Variants in FYCO1 observed in about 807,000 individuals in gnomAD.
The protein encoded by FYCO1 is FYVE and coiled-coil domain autophagy adaptor 1, also known as FYVE and coiled-coil domain-containing protein 1.
Under a neutral mutation model 165.1 loss-of-function variants are expected in FYCO1, and 122 were observed. That is an observed-to-expected ratio of 0.74 (90% CI 0.64 to 0.86). The LOEUF is 0.86. Ranked by LOEUF, FYCO1 falls within the 40% of genes least tolerant of loss-of-function variation. The probability of loss-of-function intolerance (pLI) is 0.00; values close to 1 mark genes in which losing one functional copy is unlikely to be tolerated. For synonymous variants in FYCO1, 648 were observed against 742.5 expected (o/e 0.87, Z 2.07); for missense variants, 1,702 against 1,810.3 (o/e 0.94, Z 1.09).
intron 14 of FYCO1, among the ~76,000 whole-genome samples, chr3:45,940,016 G>A (rs1429492244): frequency 6.6e-6 from 1 of 152,224 alleles, no homozygotes; most frequent in Non-Finnish European, 1.5e-5. Context: ...GGTTTGGAAG[G>A]TTGGGCTGAA....
At chr3:45,978,917 C>T (rs1476622349) in intron 4 of FYCO1, among the ~76,000 whole-genome samples, 5 of 146,198 alleles carry the variant, frequency 3.4e-5, no homozygotes, top group Admixed American at 7.0e-5. Flanking sequence ...AGTGCAGTGG[C>T]GCGATCTCGG....
At chr3:45,965,012 G>C in intron 9 of FYCO1, 21 bp downstream of exon 9, 5 of 1,594,784 alleles carry the variant, frequency 3.1e-6, no homozygotes, top group Non-Finnish European at 4.3e-6. Context: ...TCCCTGACAG[G>C]TCTACACTAC....
At chr3:45,950,460 A>G (rs1180926089) in intron 14 of FYCO1, among the ~76,000 whole-genome samples, 3 of 151,996 alleles carry the variant, frequency 2.0e-5, no homozygotes, top group African/African-American at 7.3e-5. Flanking sequence ...GACTGAGGAG[A>G]TGGTGCCATA....
chr3:45,964,904 T>C lies in FYCO1; in HGVS notation c.3150+129A>G, dbSNP rs1337191238. 1 of 776,220 alleles carries C rather than the reference T, an allele frequency of 1.3e-6. No individual in the cohort carries two copies. Among genetic ancestry groups the C allele is most frequent in the Non-Finnish European group, 2.3e-6 (1 of 443,160 alleles). The allele number at this position is 776,220 out of a possible 1,614,324, so 48.1% of individuals were successfully genotyped here. The stretch of plus-strand genomic sequence containing the variant: ...GGGGGTCAGGGTACAAACTAGGGTG[T>C]CTACAAAGGTGAACTGAGGACGGCT... On this transcript the variant is annotated intron_variant, in intron 9 of 17. Transcript: ENST00000296137. The surrounding 1 kb of genome is among the most constrained non-coding windows in gnomAD (Gnocchi z 4.1).
At position 45,981,613 on chromosome 3, in the gene FYCO1, G is replaced by C; in HGVS notation, c.119C>G (p.Thr40Ser). 1 of 1,613,934 alleles carries C rather than the reference G, an allele frequency of 6.2e-7. No individual in the cohort carries two copies. Among genetic ancestry groups the C allele is most frequent in the African/African-American group, 1.3e-5 (1 of 75,048 alleles). Residue 40 changes from threonine (T) to serine (S), a missense_variant, in exon 3 of 18, where the codon ACC becomes AGC. By Grantham distance (58) the Thr-to-Ser change is moderately conservative (BLOSUM62 1). Transcript: ENST00000296137. Reference sequence around the variant, plus strand: ...TTTATAAGAAAATTTATGCAAGCTGGTGCTGTCATCCGTGATGGGTTCCCC... The same window carrying C: ...TTTATAAGAAAATTTATGCAAGCTGCTGCTGTCATCCGTGATGGGTTCCCC... ...EAGEPITDDS[T>S]SLHKFSYKLE...
chr3:45,925,425 T>A (rs562021152), intron 16 of FYCO1, among the ~76,000 whole-genome samples: 3 of 152,354 alleles, frequency 2.0e-5, no homozygotes, highest in East Asian at 3.9e-4. Context: ...ACCATTTTTA[T>A]TCTTTACAAA....
intron 4 of FYCO1, 94 bp from the exon 5 acceptor site, chr3:45,975,439 G>A: frequency 1.1e-6 from 1 of 935,950 alleles, no homozygotes; most frequent in Non-Finnish European, 1.7e-6. Flanking sequence ...CACAGATACA[G>A]GGCAAAAAAT....
chr3:45,969,952 T>C (rs890443215), intron 6 of FYCO1, among the ~76,000 whole-genome samples, 187 bp from the exon 7 acceptor site: 1 of 152,212 alleles, frequency 6.6e-6, no homozygotes, highest in African/African-American at 2.4e-5. Context: ...ATAAATTCCA[T>C]GGCTAGAGTT....
intron 13 of FYCO1, among the ~76,000 whole-genome samples, chr3:45,957,384 A>G (rs921878901): frequency 1.3e-5 from 2 of 152,270 alleles, no homozygotes; most frequent in Admixed American, 6.5e-5. Context: ...TATGCATAAC[A>G]GAAAAAACCT....
chr3:45,958,868 C>T (rs896154591), intron 12 of FYCO1, among the ~76,000 whole-genome samples: 1 of 152,214 alleles, frequency 6.6e-6, no homozygotes, highest in Non-Finnish European at 1.5e-5. Context: ...AGCCCACCTT[C>T]CCTGGCACCA....
At position 45,966,561 on chromosome 3, in the gene FYCO1, C is replaced by G; in HGVS notation, c.2773G>C (p.Ala925Pro). ...LTVEKERVEE[A>P]LACAVQELQD... The stretch of plus-strand genomic sequence containing the variant: ...AGCTCCTGGACAGCACAGGCCAGTG[C>G]CTCCTCCACTCGCTCCTTTTCCACG... Residue 925 changes from alanine (A) to proline (P), a missense_variant, in exon 8 of 18, where the codon GCA becomes CCA. Ala to Pro is a conservative substitution (Grantham distance 27). Transcript: ENST00000296137. 2 of 1,614,198 alleles carry G rather than the reference C, an allele frequency of 1.2e-6. No individual in the cohort carries two copies. Among genetic ancestry groups the G allele is most frequent in the Non-Finnish European group, 1.7e-6 (2 of 1,180,032 alleles).
At chr3:45,969,387 A>T (rs1017981520) in intron 7 of FYCO1, among the ~76,000 whole-genome samples, 2 of 152,228 alleles carry the variant, frequency 1.3e-5, no homozygotes, top group Admixed American at 6.5e-5. Flanking sequence ...CCTTGGTCAC[A>T]GCTGGTAGGT....
At chr3:45,959,314 G>A in intron 12 of FYCO1, 79 bp downstream of exon 12, 1 of 1,489,402 alleles carries the variant, frequency 6.7e-7, no homozygotes. Context: ...ACCTATCACA[G>A]AGTCCTCTTT....
At chr3:45,943,074 TGCTGGA>T (rs746414363) in intron 14 of FYCO1, among the ~76,000 whole-genome samples, 4 of 152,198 alleles carry the variant, frequency 2.6e-5, no homozygotes, top group African/African-American at 4.8e-5. Context: ...CTATCACATA[TGCTGGA>T]GCTGCATATG....
intron 8 of FYCO1, 120 bp downstream of exon 8, chr3:45,966,157 G>T: frequency 9.8e-7 from 1 of 1,015,478 alleles, no homozygotes. Context: ...GTGTTTGCCT[G>T]CACCCACAGT....
At chr3:45,928,010 G>A (rs751280418) in intron 16 of FYCO1, among the ~76,000 whole-genome samples, 3 of 152,154 alleles carry the variant, frequency 2.0e-5, no homozygotes, top group African/African-American at 7.2e-5. Context: ...ATTCATTCCA[G>A]CTGTTTTTCA....
chr3:45,942,677 A>T (rs1432160625), intron 14 of FYCO1, among the ~76,000 whole-genome samples: 1 of 152,208 alleles, frequency 6.6e-6, no homozygotes, highest in East Asian at 1.9e-4. Context: ...GTTATTTCCC[A>T]GAAGGGTCAG....
chr3:45,918,337 T>C lies in FYCO1; in HGVS notation c.*3428A>G, dbSNP rs1370580772. ...AGGAAAGAGAGAATTATTAATTCAG[T>C]CTCTCCTGTTTCCTTGGAAGAAACA... On this transcript the variant is annotated 3_prime_UTR_variant, in exon 18 of 18. Coordinates refer to ENST00000296137, the MANE Select transcript of FYCO1 (RefSeq NM_024513.4). The C allele has an allele frequency of 1.3e-5, 2 of 152,202 alleles. No homozygotes were observed. Among genetic ancestry groups the C allele is most frequent in the Non-Finnish European group, 2.9e-5 (2 of 68,032 alleles). 9.4% of individuals were successfully genotyped at this position (152,202 alleles called of 1,614,324 possible).
chr3:45,936,421 A>C, intron 15 of FYCO1, 27 bp downstream of exon 15: 4,271 of 1,335,348 alleles, frequency 3.2e-3, no homozygotes, highest in Non-Finnish European at 4.2e-3. Flanking sequence ...ACACCTGGGG[A>C]GGGCCCAGGC....
Sources: allele counts gnomAD v4.1 joint callset (sites outside exome capture counted in the v4.1 genomes callset), GRCh38; gene constraint gnomAD v4.1.1; non-coding constraint Gnocchi (gnomAD v3.1); transcripts MANE v1.5; gene names NCBI Gene and HGNC (gene_info 2026-07-23, HGNC 2026-07-21).